The following SLC4A2 variants were observed in gnomAD, a reference collection of about 807,000 sequenced individuals.
SLC4A2 encodes anion exchange protein 2.
SLC4A2 carries 36 observed loss-of-function variants against 115.0 expected under a neutral mutation model. That is an observed-to-expected ratio of 0.31 (90% CI 0.24 to 0.41). SLC4A2 has a LOEUF of 0.41. Among genes scored for constraint, SLC4A2 ranks in the 10% least tolerant of loss-of-function variants. The pLI, the probability that SLC4A2 is intolerant of heterozygous loss-of-function variation, is 1.00. For synonymous variants in SLC4A2, 708 were observed against 708.3 expected (o/e 1.00, Z 0.01); for missense variants, 1,252 against 1,705.6 (o/e 0.73, Z 4.68).
Position 151,064,595 on chromosome 7 carries a change from G to A in SLC4A2, c.287G>A (p.Arg96His), listed in dbSNP as rs562397040. The change falls in exon 4 of 23, where the codon CGC (arginine) becomes CAC (histidine). Residue 96 changes from arginine (R) to histidine (H), a missense_variant. This residue lies in a region of SLC4A2 where 215 missense variants were observed against 205.2 expected (regional missense o/e 1.05). Coordinates refer to ENST00000413384, the MANE Select transcript of SLC4A2 (RefSeq NM_003040.4). Reference protein sequence around the residue: ...STHLPPDARRRKTPQGPGRKP... With the variant: ...STHLPPDARRHKTPQGPGRKP... ...CACCTGCCTCCGGATGCACGCCGCCGCAAGACACCCCAGGGCCCAGGACGG... is the reference window on the plus strand; with the variant it reads ...CACCTGCCTCCGGATGCACGCCGCCACAAGACACCCCAGGGCCCAGGACGG... 5.6e-6 allele frequency: 9 copies of A among 1,613,102 alleles called. No individual in the cohort carries two copies. Among genetic ancestry groups the A allele is most frequent in the South Asian group, 3.3e-5 (3 of 91,032 alleles).
intron 2 of SLC4A2, chr7:151,063,059 G>T: frequency 6.7e-7 from 1 of 1,502,482 alleles, no homozygotes; most frequent in Non-Finnish European, 8.8e-7. Flanking sequence ...GAGACCGTGG[G>T]TGGGTGGGGG....
At chr7:151,076,216 C>T (rs949244844) in intron 22 of SLC4A2, 30 bp downstream of exon 22, 6 of 1,608,974 alleles carry the variant, frequency 3.7e-6, no homozygotes, top group Non-Finnish European at 5.1e-6. Context: ...TCCCCCGGTT[C>T]CTCTTGCCTC....
chr7:151,070,292 C>T lies in SLC4A2; in HGVS notation c.1395C>T (p.Val465=), dbSNP rs778028389. 1 of 1,613,516 alleles carries T rather than the reference C, an allele frequency of 6.2e-7. No homozygotes were observed. The highest frequency in any genetic ancestry group is 8.5e-7 in the Non-Finnish European group (1 of 1,179,858). ...AGGGGGCTGAGAGTGACCCCCACGT[C>T]ACCGAGCCTCTCATGGGAGGTGTTC... ...HGQGAESDPH[V]TEPLMGGVPE... is the part of the protein sequence containing the mutation. The change falls in exon 10 of 23, where the codon GTC becomes GTT. Residue 465 remains valine, a synonymous_variant. Transcript: ENST00000413384.
At chr7:151,061,497 C>T (rs1035398765) in intron 1 of SLC4A2, 4 of 160,336 alleles carry the variant, frequency 2.5e-5, no homozygotes, top group Admixed American at 6.0e-5. Flanking sequence ...CCACCACACC[C>T]TCTCTGGTCT....
intron 5 of SLC4A2, 88 bp downstream of exon 5, chr7:151,065,054 G>A: frequency 1.1e-6 from 1 of 946,922 alleles, no homozygotes. Context: ...ATGAGCCTTG[G>A]AATCACCAGG....
chr7:151,063,204 G>T, intron 2 of SLC4A2: 3 of 1,394,912 alleles, frequency 2.2e-6, no homozygotes, highest in East Asian at 2.7e-5. Flanking sequence ...GGGCTGTGGG[G>T]GTGGGGTGAG....
At chr7:151,063,610 C>T (rs1478857111) in intron 2 of SLC4A2, among the ~76,000 whole-genome samples, 1 of 145,658 alleles carries the variant, frequency 6.9e-6, no homozygotes, top group Non-Finnish European at 1.5e-5. Flanking sequence ...AGGGGGCAGA[C>T]TGCTGGGGGG....
intron 1 of SLC4A2, chr7:151,061,496 CCT>C (rs1296383111): frequency 6.3e-6 from 1 of 159,718 alleles, no homozygotes; most frequent in Non-Finnish European, 1.4e-5. Flanking sequence ...CCCACCACAC[CCT>C]CTCTGGTCTC....
rs149482871 is a variant in SLC4A2, at chr7:151,075,324, C to A, written c.3117C>A (p.Ile1039=). 6.6e-5 allele frequency: 106 copies of A among 1,613,278 alleles called. No homozygotes were observed. The African/African-American group carries it at 1.1e-3, about 16-fold the overall frequency. The change falls in exon 20 of 23, where the codon ATC becomes ATA. Residue 1039 remains isoleucine (I), a synonymous_variant. Transcript: ENST00000413384. Reference sequence around the variant, plus strand: ...GCTTCCACCTGGACCTGCTGCTCATCGTGGCCATGGGCGGCATCTGTGCCC... The same window carrying A: ...GCTTCCACCTGGACCTGCTGCTCATAGTGGCCATGGGCGGCATCTGTGCCC... ...GSGFHLDLLL[I]VAMGGICALF... is the part of the protein sequence containing the mutation.
chr7:151,068,445 GA>G (rs1173299593), intron 8 of SLC4A2, among the ~76,000 whole-genome samples: 1 of 152,150 alleles, frequency 6.6e-6, no homozygotes, highest in Non-Finnish European at 1.5e-5. Flanking sequence ...CCCAATGAGT[GA>G]CCACTCTCAG....
intron 5 of SLC4A2, 103 bp downstream of exon 5, chr7:151,065,069 G>C (rs949701379): frequency 3.5e-6 from 3 of 864,430 alleles, no homozygotes; most frequent in Non-Finnish European, 5.7e-6. Flanking sequence ...ACCAGGCCAG[G>C]GTTCAAATCC....
At position 151,064,228 on chromosome 7, in the gene SLC4A2, G is replaced by A; in HGVS notation, c.78G>A (p.Gly26=). ...CAGAGCCAGAGAGCTTGGGCCCTGGGACGCCTGGGTTCCCCGAGCAGGAGG... is the reference window on the plus strand; with the variant it reads ...CAGAGCCAGAGAGCTTGGGCCCTGGAACGCCTGGGTTCCCCGAGCAGGAGG... ...CTPEPESLGP[G]TPGFPEQEED... is the part of the protein sequence containing the mutation. Residue 26 remains glycine (G), a synonymous_variant, in exon 3 of 23, where the codon GGG becomes GGA. Transcript: ENST00000413384. The A allele has an allele frequency of 6.2e-7, 1 of 1,612,426 alleles. No individual in the cohort carries two copies. Among genetic ancestry groups the A allele is most frequent in the Non-Finnish European group, 8.5e-7 (1 of 1,179,946 alleles).
chr7:151,070,571 G>C lies in SLC4A2; in HGVS notation c.1564G>C (p.Gly522Arg). Residue 522 changes from glycine (G) to arginine (R), a missense_variant and splice_region_variant, in exon 11 of 23, where the codon GGC becomes CGC. Coordinates refer to ENST00000413384, the MANE Select transcript of SLC4A2 (RefSeq NM_003040.4). ...TGCCGAGGCCACGGTGGTCCTTGTG[G>C]GTATGTGGGGCAGGTCACATGTAGG... ...ENAEATVVLV[G>R]CVEFLSRPTM... 6.2e-7 allele frequency: 1 copy of C among 1,612,486 alleles called. No homozygotes were observed. The highest frequency in any genetic ancestry group is 8.5e-7 in the Non-Finnish European group (1 of 1,179,224).
At chr7:151,075,151 G>T in intron 19 of SLC4A2, 104 bp from the exon 20 acceptor site, 1 of 1,486,336 alleles carries the variant, frequency 6.7e-7, no homozygotes, top group Non-Finnish European at 9.2e-7. Flanking sequence ...GGACCGCCAG[G>T]TTCCAAAGCC....
rs555086994 is a variant in SLC4A2 at position 151,076,132 on chromosome 7, G to A, written c.3591G>A (p.Val1197=). 1 of 1,610,504 alleles carries A rather than the reference G, an allele frequency of 6.2e-7. No homozygotes were observed. The highest frequency in any genetic ancestry group is 8.5e-7 in the Non-Finnish European group (1 of 1,179,978). Residue 1197 remains valine (V), a synonymous_variant, in exon 22 of 23, where the codon GTG becomes GTA. Coordinates refer to ENST00000413384, the MANE Select transcript of SLC4A2 (RefSeq NM_003040.4). ...TCCCCTTCATCCTCATCCTCACAGT[G>A]CCGCTCCGCATGGTGGTGCTCACCC... ...LAFPFILILT[V]PLRMVVLTRI...
Position 151,061,941 on chromosome 7 carries a change from G to C in SLC4A2, c.-47G>C, listed in dbSNP as rs927492624. Reference sequence around the variant, plus strand: ...CCCATCCAGGTTATGCCTCCGCCTCGTTGCCCTGAAAGCCGCAGCGACAGC... The same window carrying C: ...CCCATCCAGGTTATGCCTCCGCCTCCTTGCCCTGAAAGCCGCAGCGACAGC... On this transcript the variant is annotated 5_prime_UTR_variant, in exon 2 of 23. Coordinates refer to ENST00000413384, the MANE Select transcript of SLC4A2 (RefSeq NM_003040.4). 1 of 1,588,158 alleles carries C rather than the reference G, an allele frequency of 6.3e-7. No individual in the cohort carries two copies. Among genetic ancestry groups the C allele is most frequent in the Non-Finnish European group, 8.6e-7 (1 of 1,164,600 alleles).
chr7:151,070,259 C>G lies in SLC4A2; in HGVS notation c.1362C>G (p.His454Gln), dbSNP rs770312872. Residue 454 changes from histidine to glutamine, a missense_variant, in exon 10 of 23, where the codon CAC becomes CAG. By Grantham distance (24) the His-to-Gln change is conservative. This residue lies in a region of SLC4A2 where 142 missense variants were observed against 153.5 expected (regional missense o/e 0.93). Coordinates refer to ENST00000413384, the MANE Select transcript of SLC4A2 (RefSeq NM_003040.4). ...AGSLGSLLGH[H>Q]HGQGAESDPH... ...CCCTGGGCTCCCTGCTGGGGCATCA[C>G]CATGGTCAGGGGGCTGAGAGTGACC... 1 of 1,614,052 alleles carries G rather than the reference C, an allele frequency of 6.2e-7. No individual in the cohort carries two copies. The highest frequency in any genetic ancestry group is 2.2e-5 in the East Asian group (1 of 44,870).
rs759440385 is a variant in SLC4A2 at position 151,071,462 on chromosome 7, G to C, written c.2048G>C (p.Gly683Ala). 6.8e-6 allele frequency: 11 copies of C among 1,610,502 alleles called. No individual in the cohort carries two copies. Among genetic ancestry groups the C allele is most frequent in the South Asian group, 1.1e-5 (1 of 91,036 alleles). ...CTTCGGCGGACGGGGCGGCCCTTTG[G>C]GGGGCTGATCCGAGATGTGCGGCGC... ...DPLRRTGRPF[G>A]GLIRDVRRRY... is the part of the protein sequence containing the mutation. The change falls in exon 14 of 23, where the codon GGG becomes GCG. Residue 683 changes from glycine to alanine, a missense_variant. Gly to Ala is a moderately conservative substitution (Grantham distance 60). Around this residue, in one of 14 missense-constraint regions of SLC4A2, gnomAD observed 122 missense variants for 116.8 expected, o/e 1.04. Coordinates refer to ENST00000413384, the MANE Select transcript of SLC4A2 (RefSeq NM_003040.4). The surrounding 1 kb of genome is among the most constrained non-coding windows in gnomAD (Gnocchi z 5.5).
rs769832720 is a variant in SLC4A2, at chr7:151,076,412, G to T, written c.*45G>T. The T allele has an allele frequency of 4.2e-6, 6 of 1,421,254 alleles. No homozygotes were observed. The highest frequency in any genetic ancestry group is 5.6e-6 in the Non-Finnish European group (6 of 1,074,554). The allele number at this position is 1,421,254 out of a possible 1,614,324, so 88.0% of individuals were successfully genotyped here. On this transcript the variant is annotated 3_prime_UTR_variant, in exon 23 of 23. Coordinates refer to ENST00000413384, the MANE Select transcript of SLC4A2 (RefSeq NM_003040.4). ...GAGGGACCGATGGACGAGGGGACAG[G>T]CTGGTGGGATGGGGTTCCCCCTCCC...
Sources: allele counts gnomAD v4.1 joint callset (sites outside exome capture counted in the v4.1 genomes callset), GRCh38; gene constraint gnomAD v4.1.1; regional missense constraint gnomAD v4.1.1; non-coding constraint Gnocchi (gnomAD v3.1); transcripts MANE v1.5; gene names NCBI Gene and HGNC (gene_info 2026-07-23, HGNC 2026-07-21).